The following MACF1 variants were observed in gnomAD, a reference collection of about 807,000 sequenced individuals.
MACF1 encodes microtubule actin crosslinking factor 1.
A neutral mutation model predicts 854.8 loss-of-function variants in MACF1; 193 were observed. The observed-to-expected ratio is 0.23, with a 90% CI of 0.20 to 0.25. MACF1 has a LOEUF of 0.25. Ranked by LOEUF, MACF1 falls within the 10% of genes least tolerant of loss-of-function variation. The pLI is 1.00. For synonymous variants in MACF1, 3,185 were observed against 3,226.7 expected, an observed-to-expected ratio of 0.99 and a Z score of 0.44; for missense variants, 7,722 against 8,929.1, an observed-to-expected ratio of 0.86 and a Z score of 5.45.
At chr1:39,262,479 T>C (rs560046774) in intron 6 of MACF1, among the ~76,000 whole-genome samples, 4 of 151,110 alleles carry the variant, frequency 2.6e-5, no homozygotes, top group African/African-American at 7.3e-5. Context: ...TGGACTCTTA[T>C]TGTTTAGGAG....
intron 2 of MACF1, among the ~76,000 whole-genome samples, chr1:39,128,624 A>T (rs1305968739): frequency 6.6e-6 from 1 of 151,894 alleles, no homozygotes; most frequent in Non-Finnish European, 1.5e-5. Flanking sequence ...GCGTGAACCC[A>T]GGAGGTGGAG....
intron 2 of MACF1, among the ~76,000 whole-genome samples, chr1:39,150,102 C>T (rs1643547001): frequency 6.6e-6 from 1 of 151,966 alleles, no homozygotes; most frequent in Non-Finnish European, 1.5e-5. Flanking sequence ...CGGCTCACTG[C>T]AACCTCCTGC....
In MACF1 at chr1:39,375,158, T is replaced by G. The variant is rs374390817; in HGVS notation, c.13213+2562T>G. Among the ~76,000 whole-genome samples, 35 of 152,118 alleles carry G rather than the reference T, an allele frequency of 2.3e-4. No homozygotes were observed. The South Asian group carries it at 4.4e-3, about 19-fold the overall frequency. On this transcript the variant is annotated intron_variant, in intron 52 of 100. Coordinates refer to ENST00000564288, the MANE Select transcript of MACF1 (RefSeq NM_001394062.1). ...ATAAAAATTAAAAGAAACCATTTTG[T>G]TGGTGTAAGTTTCCCTTATATGTTA... is the stretch of plus-strand genomic sequence containing the variant.
At chr1:39,196,368 A>G (rs1644320300) in intron 2 of MACF1, among the ~76,000 whole-genome samples, 2 of 152,292 alleles carry the variant, frequency 1.3e-5, no homozygotes, top group East Asian at 1.9e-4. Flanking sequence ...AAGTTGTCTC[A>G]ATACCACATT....
intron 57 of MACF1, among the ~76,000 whole-genome samples, 166 bp from the exon 58 acceptor site, chr1:39,387,021 T>A (rs1169391724): frequency 2.0e-5 from 3 of 152,254 alleles, no homozygotes; most frequent in Non-Finnish European, 2.9e-5. Flanking sequence ...ATACGAGGAT[T>A]AAATAAGATA....
chr1:39,149,297 C>T (rs927610837), intron 2 of MACF1, among the ~76,000 whole-genome samples: 8 of 151,970 alleles, frequency 5.3e-5, no homozygotes, highest in Non-Finnish European at 1.0e-4. Context: ...TTTGAGAGGC[C>T]GAGGTTGGGG....
At chr1:39,355,046 A>G (rs188088257) in intron 44 of MACF1, among the ~76,000 whole-genome samples, 2 of 152,342 alleles carry the variant, frequency 1.3e-5, no homozygotes, top group Non-Finnish European at 2.9e-5. Context: ...TGGATCATAT[A>G]TTTTAGTGGT....
At chr1:39,420,622 A>G (rs573626185) in intron 58 of MACF1, among the ~76,000 whole-genome samples, 68 of 152,304 alleles carry the variant, frequency 4.5e-4, no homozygotes, top group African/African-American at 1.4e-3. Flanking sequence ...TTAGCCAGCC[A>G]TAGACCATTC....
At position 39,461,929 on chromosome 1, in the gene MACF1, C is replaced by T. The variant is rs781381883; in HGVS notation, c.21570C>T (p.Phe7190=). ...AGATGACTGCTGTGGCTGACATTTT[C>T]GACCGAGATGGGGATGGTTACATTG... ...KLEMTAVADI[F]DRDGDGYIDY... is the part of the protein sequence containing the mutation. Residue 7190 remains phenylalanine, a synonymous_variant, in exon 93 of 101, where the codon TTC becomes TTT. Coordinates refer to ENST00000564288, the MANE Select transcript of MACF1 (RefSeq NM_001394062.1). The T allele has an allele frequency of 5.6e-6, 9 of 1,613,496 alleles. No homozygotes were observed. Among genetic ancestry groups the T allele is most frequent in the South Asian group, 2.2e-5 (2 of 91,060 alleles).
rs1449542844 is a variant in MACF1, at chr1:39,319,790, C to G, written c.4029+43C>G. 4 of 1,394,532 alleles carry G rather than the reference C, an allele frequency of 2.9e-6. No homozygotes were observed. The African/African-American group carries it at 5.7e-5, about 20-fold the overall frequency. 86.4% of individuals were successfully genotyped at this position (1,394,532 alleles called of 1,614,324 possible). On this transcript the variant is annotated intron_variant, in intron 31 of 100. Coordinates refer to ENST00000564288, the MANE Select transcript of MACF1 (RefSeq NM_001394062.1). ...CAAAAAGAACATGAATCATCACCAG[C>G]TCAGGAAAACCTACATCTTCACTGT...
upstream of MACF1, chr1:39,204,663 T>G (rs558362166): frequency 1.1e-5 from 2 of 176,718 alleles, no homozygotes; most frequent in African/African-American, 4.7e-5. Context: ...CTGAGGTTTG[T>G]TTATTTAAGC....
intron 6 of MACF1, among the ~76,000 whole-genome samples, chr1:39,275,830 T>A (rs574214910): frequency 6.6e-6 from 1 of 152,170 alleles, no homozygotes; most frequent in South Asian, 2.1e-4. Context: ...ACACCTTCTT[T>A]ATCTCTGTTC....
chr1:39,450,354 C>T (rs1460528042), intron 84 of MACF1, among the ~76,000 whole-genome samples: 2 of 151,698 alleles, frequency 1.3e-5, no homozygotes, highest in African/African-American at 4.9e-5. Context: ...AAGAAACAGC[C>T]TAGGGTCACA....
chr1:39,333,799 G>A lies in MACF1; in HGVS notation c.7211G>A (p.Arg2404Lys). The A allele has an allele frequency of 6.2e-7, 1 of 1,614,192 alleles. No individual in the cohort carries two copies. The highest frequency in any genetic ancestry group is 1.6e-4 in the Middle Eastern group (1 of 6,062). ...DKETATRILE[R>K]QVVTGGIIDL... ...GAAACAGCCACCAGAATTTTAGAGA[G>A]GCAGGTGGTGACTGGTGGAATTATT... The change falls in exon 37 of 101, where the codon AGG becomes AAG. Residue 2404 changes from arginine (R) to lysine (K), a missense_variant. Physicochemically the swap from Arg to Lys is conservative, Grantham distance 26 (BLOSUM62 2). Transcript: ENST00000564288.
At position 39,282,370 on chromosome 1, in the gene MACF1, T is replaced by C. The variant is rs972749866; in HGVS notation, c.691T>C (p.Tyr231His). The C allele has an allele frequency of 1.9e-6, 3 of 1,613,758 alleles. No individual in the cohort carries two copies. Among genetic ancestry groups the C allele is most frequent in the African/African-American group, 1.3e-5 (1 of 75,036 alleles). The change falls in exon 7 of 101, where the codon TAC becomes CAC. Residue 231 changes from tyrosine (Y) to histidine (H), a missense_variant. Tyr to His is a moderately conservative substitution (Grantham distance 83, BLOSUM62 2). This residue lies in a region of MACF1 where 108 missense variants were observed against 196.4 expected (regional missense o/e 0.55). Transcript: ENST00000564288. Reference protein sequence around the residue: ...GKMFNALIHRYRPDLVDMERV... With the variant: ...GKMFNALIHRHRPDLVDMERV... The stretch of plus-strand genomic sequence containing the variant: ...GATGTTCAATGCACTCATTCACCGA[T>C]ACCGGTAAGAACAGTGGAATTTCTG...
chr1:39,135,447 C>T (rs1270094968), intron 2 of MACF1, among the ~76,000 whole-genome samples: 5 of 152,052 alleles, frequency 3.3e-5, no homozygotes, highest in African/African-American at 1.2e-4. Flanking sequence ...TGGGGTTTCA[C>T]CATGTTGGCC....
chr1:39,158,372 G>A (rs1557488270), intron 2 of MACF1, among the ~76,000 whole-genome samples: 1 of 152,174 alleles, frequency 6.6e-6, no homozygotes, highest in East Asian at 1.9e-4. Flanking sequence ...TTGATATGCA[G>A]TGCCTCCTCT....
rs1485155322 is a variant in MACF1 at position 39,442,787 on chromosome 1, A to C, written c.19178A>C (p.Glu6393Ala). Reference protein sequence around the residue: ...TVNKAGNELLESSAGDDASSL... With the variant: ...TVNKAGNELLASSAGDDASSL... ...AACAAAGCTGGCAATGAGCTTCTTG[A>C]ATCCAGTGCTGGAGATGATGCCAGC... Residue 6393 changes from glutamate to alanine, a missense_variant, in exon 78 of 101, where the codon GAA (glutamate) becomes GCA (alanine). Glu to Ala is a moderately radical substitution (Grantham distance 107). Coordinates refer to ENST00000564288, the MANE Select transcript of MACF1 (RefSeq NM_001394062.1). 3 of 1,614,172 alleles carry C rather than the reference A, an allele frequency of 1.9e-6. No individual in the cohort carries two copies. Among genetic ancestry groups the C allele is most frequent in the Non-Finnish European group, 2.5e-6 (3 of 1,180,038 alleles).
At chr1:39,183,517 G>T (rs1644130162) in intron 2 of MACF1, among the ~76,000 whole-genome samples, 1 of 152,186 alleles carries the variant, frequency 6.6e-6, no homozygotes, top group African/African-American at 2.4e-5. Flanking sequence ...GCAAGTTACT[G>T]TTGCCCCAAA....
Sources: gnomAD v4.1 joint callset for allele counts (sites outside exome capture counted in the v4.1 genomes callset) on GRCh38, gnomAD v4.1.1 for gene constraint, gnomAD v4.1.1 regional missense constraint, MANE v1.5 for transcripts, NCBI Gene and HGNC (gene_info 2026-07-23, HGNC 2026-07-21) for gene names.